The following ZBTB37 variants were observed in gnomAD, a reference collection of about 807,000 sequenced individuals.
ZBTB37 encodes the protein zinc finger and BTB domain-containing protein 37.
ZBTB37 carries 15 observed loss-of-function variants against 37.7 expected under a neutral mutation model. That is an observed-to-expected ratio of 0.40 (90% CI 0.27 to 0.61). The LOEUF is 0.61. ZBTB37 is among the 20% of genes least tolerant of loss of function. ZBTB37 has a pLI of 0.44. For missense variants in ZBTB37, 514 were observed against 641.9 expected, an observed-to-expected ratio of 0.80 and a Z score of 2.15; for synonymous variants, 231 against 220.6, an observed-to-expected ratio of 1.05 and a Z score of -0.42.
rs1464938743 is a variant in ZBTB37, at chr1:173,871,165, T to G, written c.923+17T>G. 1.9e-6 allele frequency: 3 copies of G among 1,566,788 alleles called. No homozygotes were observed. Among genetic ancestry groups the G allele is most frequent in the Admixed American group, 3.8e-5 (2 of 52,366 alleles). On this transcript the variant is annotated intron_variant, in intron 3 of 4. Transcript: ENST00000427304. Reference sequence around the variant, plus strand: ...AGTTGACAGGTAGGTTTGGTTTGGTTTGGTTTTCCCATGTAATGGCTATTG... The same window carrying G: ...AGTTGACAGGTAGGTTTGGTTTGGTGTGGTTTTCCCATGTAATGGCTATTG...
At chr1:173,885,013 T>G (rs1656545032) in intron 4 of ZBTB37, among the ~76,000 whole-genome samples, 1 of 152,114 alleles carries the variant, frequency 6.6e-6, no homozygotes, top group African/African-American at 2.4e-5. Context: ...GTGGGTAGAT[T>G]GCCAAAGTCC....
chr1:173,890,546 G>T (rs1028058469), downstream of ZBTB37: 1 of 152,122 alleles, frequency 6.6e-6, no homozygotes, highest in Admixed American at 6.6e-5. Context: ...CTTTATTTAG[G>T]TTATATGTGA....
chr1:173,877,130 C>T lies in ZBTB37; in HGVS notation c.1023+3564C>T, dbSNP rs191970192. Among the ~76,000 whole-genome samples the T allele has an allele frequency of 1.7e-3, 255 of 152,106 alleles. 1 individual carries two copies. The highest frequency in any genetic ancestry group is 5.8e-3 in the African/African-American group (242 of 41,488). On this transcript the variant is annotated intron_variant, in intron 4 of 4. Transcript: ENST00000427304. ...ATTGTATTATAATCGTATGGAAGCA[C>T]GGTTACATATGTGGTCCATCACTGA... is the stretch of plus-strand genomic sequence containing the variant.
exon 4 of ZBTB37, chr1:173,893,269 T>C (rs571416906): frequency 5.3e-5 from 8 of 152,318 alleles, no homozygotes; most frequent in African/African-American, 1.9e-4. Flanking sequence ...ATACTGTGAA[T>C]CTTAGGATTT....
At chr1:173,875,116 A>ATGTGTGTGTGTG (rs71111072) in intron 4 of ZBTB37, among the ~76,000 whole-genome samples, 1 of 137,052 alleles carries the variant, frequency 7.3e-6, no homozygotes, top group Non-Finnish European at 1.6e-5. Flanking sequence ...TCTGATTATT[A>ATGTGTGTGTGTG]TGTGTGTGTG....
chr1:173,880,311 T>C (rs894937393), intron 4 of ZBTB37, among the ~76,000 whole-genome samples: 3 of 152,182 alleles, frequency 2.0e-5, no homozygotes, highest in Admixed American at 1.3e-4. Flanking sequence ...AAATCCTTAA[T>C]TTTGGAGATC....
chr1:173,891,346 T>C (rs1344506331), downstream of ZBTB37: 1 of 152,218 alleles, frequency 6.6e-6, no homozygotes, highest in Non-Finnish European at 1.5e-5. Context: ...CCCTTTGCAA[T>C]GTATCTTAAT....
chr1:173,900,081 AAAAT>A (rs1557898278), exon 4 of ZBTB37: 2 of 152,220 alleles, frequency 1.3e-5, no homozygotes, highest in African/African-American at 2.4e-5. Flanking sequence ...TTCTATTTGT[AAAAT>A]AAACAGGTGG....
chr1:173,883,118 T>C (rs1335497084), intron 4 of ZBTB37, among the ~76,000 whole-genome samples: 2 of 152,226 alleles, frequency 1.3e-5, no homozygotes, highest in Non-Finnish European at 2.9e-5. Context: ...TATGTAATAT[T>C]ATGCATTCAT....
At chr1:173,886,206 T>C (rs1656614733) in exon 5 of ZBTB37, 1 of 1,463,150 alleles carries the variant, frequency 6.8e-7, no homozygotes, top group African/African-American at 1.4e-5. Context: ...GATACTTAGA[T>C]TCACAAAATG....
chr1:173,871,251 T>C (rs1162990092), intron 3 of ZBTB37, 103 bp downstream of exon 3: 4 of 1,200,592 alleles, frequency 3.3e-6, no homozygotes, highest in Admixed American at 2.9e-5. Context: ...CTGATTTTCT[T>C]GGTCAAAATA....
chr1:173,875,712 T>C (rs1479280100), intron 4 of ZBTB37, among the ~76,000 whole-genome samples: 1 of 152,112 alleles, frequency 6.6e-6, no homozygotes, highest in Non-Finnish European at 1.5e-5. Flanking sequence ...TGCATTGCAC[T>C]GGTGCGATCT....
At chr1:173,901,388 T>G (rs1445676873) in exon 4 of ZBTB37, 3 of 151,232 alleles carry the variant, frequency 2.0e-5, no homozygotes, top group Non-Finnish European at 4.4e-5. Flanking sequence ...TAAGAAATCT[T>G]AAAGTTAGAA....
chr1:173,873,616 C>G (rs1215824032), intron 4 of ZBTB37, 50 bp downstream of exon 4: 1 of 1,611,218 alleles, frequency 6.2e-7, no homozygotes, highest in Admixed American at 1.7e-5. Flanking sequence ...GGAATTGCTA[C>G]TGTGTATGAA....
chr1:173,881,029 T>C (rs1440283676), intron 4 of ZBTB37, among the ~76,000 whole-genome samples: 3 of 152,186 alleles, frequency 2.0e-5, no homozygotes, highest in Middle Eastern at 3.4e-3. Context: ...TATGTATACA[T>C]GTGCCATGTT....
At chr1:173,894,428 CGA>C (rs879421035) in exon 4 of ZBTB37, 71,641 of 151,730 alleles carry the variant, frequency 0.47, 19,916 homozygotes, top group African/African-American at 0.77. Context: ...CCAAGATGAT[CGA>C]TCTTACATAC....
intron 2 of ZBTB37, among the ~76,000 whole-genome samples, chr1:173,869,690 A>G (rs578113584): frequency 9.2e-5 from 14 of 152,336 alleles, no homozygotes; most frequent in African/African-American, 3.4e-4. Flanking sequence ...ATATTAGCCT[A>G]CATTCATGTG....
chr1:173,871,147 A>G (rs1211361787), exon 3 of ZBTB37: 8 of 1,590,902 alleles, frequency 5.0e-6, no homozygotes, highest in Non-Finnish European at 6.8e-6. Context: ...TGAAGTTGAC[A>G]GGTAGGTTTG....
At chr1:173,894,828 A>G (rs1656982621) in exon 4 of ZBTB37, 1 of 151,046 alleles carries the variant, frequency 6.6e-6, no homozygotes, top group African/African-American at 2.4e-5. Context: ...TTTTGTCTTG[A>G]CTCTTTGGTG....
Sources: gnomAD v4.1 joint callset for allele counts (sites outside exome capture counted in the v4.1 genomes callset) on GRCh38, gnomAD v4.1.1 for gene constraint, MANE v1.5 for transcripts, NCBI Gene and HGNC (gene_info 2026-07-23, HGNC 2026-07-21) for gene names.